Variants in NCOA2 observed in about 807,000 individuals in gnomAD.
NCOA2 encodes nuclear receptor coactivator 2.
NCOA2 carries 21 observed loss-of-function variants against 145.1 expected under a neutral mutation model. That is an observed-to-expected ratio of 0.14 (90% CI 0.10 to 0.21). The LOEUF (loss-of-function observed/expected upper bound fraction) is 0.21. Among genes scored for constraint, NCOA2 ranks in the 10% least tolerant of loss-of-function variants. The probability of loss-of-function intolerance (pLI) is 1.00; values close to 1 mark genes in which losing one functional copy is unlikely to be tolerated. For missense variants in NCOA2, 1,472 were observed against 1,837.6 expected, an observed-to-expected ratio of 0.80 and a Z score of 3.64; for synonymous variants, 619 against 637.5, an observed-to-expected ratio of 0.97 and a Z score of 0.44.
chr8:70,271,323 A>C (rs1219303301), intron 2 of NCOA2, among the ~76,000 whole-genome samples: 1 of 152,218 alleles, frequency 6.6e-6, no homozygotes, highest in Non-Finnish European at 1.5e-5. Context: ...ATTAGTATTA[A>C]TTTTTACATA....
At chr8:70,235,879 T>G (rs1348046340) in intron 2 of NCOA2, among the ~76,000 whole-genome samples, 1 of 152,212 alleles carries the variant, frequency 6.6e-6, no homozygotes, top group Non-Finnish European at 1.5e-5. Flanking sequence ...ATTTTCCAGA[T>G]AATTCTGATG....
intron 4 of NCOA2, among the ~76,000 whole-genome samples, chr8:70,184,866 A>G (rs1815882654): frequency 6.6e-6 from 1 of 152,154 alleles, no homozygotes; most frequent in South Asian, 2.1e-4. Flanking sequence ...CAAGGCTTCG[A>G]AAGGACTGAA....
At chr8:70,266,417 G>A (rs532028793) in intron 2 of NCOA2, among the ~76,000 whole-genome samples, 5 of 152,284 alleles carry the variant, frequency 3.3e-5, no homozygotes, top group African/African-American at 1.2e-4. Context: ...AGCCATTGCT[G>A]AACAATACAA....
chr8:70,218,817 A>G (rs1819885822), intron 2 of NCOA2, among the ~76,000 whole-genome samples: 1 of 152,202 alleles, frequency 6.6e-6, no homozygotes, highest in South Asian at 2.1e-4. Context: ...TATCATTACA[A>G]TATAGCCTTC....
At chr8:70,411,270 T>C in the NCOA2 span, among the ~76,000 whole-genome samples, 1 of 152,302 alleles carries the variant, frequency 6.6e-6, no homozygotes, top group South Asian at 2.1e-4. Context: ...GTACAGGCAG[T>C]TCTAGCCAAT....
In NCOA2 at chr8:70,273,315, C is replaced by T. The variant is rs1313278437; in HGVS notation, c.-20+23429G>A. ...TGCACCTAATCTCAGCTGGTTCCCC[C>T]GAGACCCCCTGAGCACCAACCCTAG... On this transcript the variant is annotated intron_variant, in intron 2 of 22. Transcript: ENST00000452400. The T allele has an allele frequency of 2.1e-5, 6 of 289,676 alleles. No individual in the cohort carries two copies. The East Asian group carries it at 3.0e-4, about 15-fold the overall frequency. 17.9% of individuals were successfully genotyped at this position (289,676 alleles called of 1,614,324 possible).
intron 1 of NCOA2, among the ~76,000 whole-genome samples, chr8:70,387,918 T>C (rs1160403135): frequency 6.6e-6 from 1 of 152,150 alleles, no homozygotes; most frequent in African/African-American, 2.4e-5. Context: ...CAACAGCCAG[T>C]AGGAAAGGCC....
At chr8:70,315,387 G>A (rs562155677) in intron 1 of NCOA2, among the ~76,000 whole-genome samples, 6 of 152,228 alleles carry the variant, frequency 3.9e-5, no homozygotes, top group Admixed American at 2.6e-4. Context: ...TATGGATGAC[G>A]CCATTATGGA....
chr8:70,380,488 T>A (rs914405570), intron 1 of NCOA2, among the ~76,000 whole-genome samples: 4 of 152,170 alleles, frequency 2.6e-5, no homozygotes, highest in Non-Finnish European at 2.9e-5. Flanking sequence ...CTAATTTTTT[T>A]CATTCACTCA....
chr8:70,124,534 G>C (rs189873249), intron 20 of NCOA2, among the ~76,000 whole-genome samples, 154 bp downstream of exon 20: 1 of 152,210 alleles, frequency 6.6e-6, no homozygotes, highest in African/African-American at 2.4e-5. Context: ...ATTTATGATA[G>C]AAATTGCTGT....
intron 9 of NCOA2, among the ~76,000 whole-genome samples, chr8:70,160,097 CA>C (rs149320058): frequency 0.012 from 1,859 of 152,206 alleles, 28 homozygotes; most frequent in Middle Eastern, 0.061. Flanking sequence ...AAATTTATGA[CA>C]TTTAATATGT....
At chr8:70,411,494 T>A in the NCOA2 span, among the ~76,000 whole-genome samples, 1 of 152,256 alleles carries the variant, frequency 6.6e-6, no homozygotes, top group Non-Finnish European at 1.5e-5. Flanking sequence ...AAATTTGGCA[T>A]GTAAATTGAA....
At chr8:70,301,655 C>CAAAAAAA (rs71275063) in intron 1 of NCOA2, among the ~76,000 whole-genome samples, 47 of 60,158 alleles carry the variant, frequency 7.8e-4, no homozygotes, top group East Asian at 1.3e-3. Flanking sequence ...GACCCTTTCT[C>CAAAAAAA]AAAAAAAAAA....
chr8:70,259,926 C>T (rs1463599587), intron 2 of NCOA2, among the ~76,000 whole-genome samples: 1 of 152,128 alleles, frequency 6.6e-6, no homozygotes, highest in Non-Finnish European at 1.5e-5. Context: ...GTACTGAGTC[C>T]CTGATTCGGT....
intron 1 of NCOA2, chr8:70,401,690 C>T (rs919872220): frequency 6.6e-6 from 1 of 152,164 alleles, no homozygotes; most frequent in Non-Finnish European, 1.5e-5. Context: ...TGATACTGCT[C>T]CCATGCCTTC....
At position 70,131,927 on chromosome 8, in the gene NCOA2, A is replaced by C. The variant is rs773124907; in HGVS notation, c.3234T>G (p.Ala1078=). 1 of 1,610,278 alleles carries C rather than the reference A, an allele frequency of 6.2e-7. No homozygotes were observed. Among genetic ancestry groups the C allele is most frequent in the South Asian group, 1.1e-5 (1 of 89,856 alleles). The change falls in exon 16 of 23, where the codon GCT becomes GCG. Residue 1078 remains alanine, a synonymous_variant. Coordinates refer to ENST00000452400, the MANE Select transcript of NCOA2 (RefSeq NM_006540.4). ...AGGCCAGATACAGCTGGTCCAGGAG[A>C]GCTCCCTCATCACTCGGAGACTCAG... is the stretch of plus-strand genomic sequence containing the variant. ...PAAESPSDEG[A]LLDQLYLALR...
At chr8:70,170,663 C>T (rs911323554) in intron 5 of NCOA2, among the ~76,000 whole-genome samples, 6 of 152,078 alleles carry the variant, frequency 3.9e-5, no homozygotes, top group Non-Finnish European at 7.4e-5. Flanking sequence ...AGATAATTAC[C>T]GTGAAGTAAA....
intron 11 of NCOA2, among the ~76,000 whole-genome samples, chr8:70,149,997 T>C (rs1811564326): frequency 6.6e-6 from 1 of 152,238 alleles, no homozygotes; most frequent in African/African-American, 2.4e-5. Flanking sequence ...TATGCTAAGA[T>C]TTTTGCAACT....
chr8:70,445,568 T>C, the NCOA2 span, among the ~76,000 whole-genome samples: 1 of 152,190 alleles, frequency 6.6e-6, no homozygotes, highest in Admixed American at 6.5e-5. Context: ...CTTTTATCCT[T>C]TAAAAGCCTA....
Sources: gnomAD v4.1 joint callset for allele counts (sites outside exome capture counted in the v4.1 genomes callset) on GRCh38, gnomAD v4.1.1 for gene constraint, MANE v1.5 for transcripts, NCBI Gene and HGNC (gene_info 2026-07-23, HGNC 2026-07-21) for gene names.